The following VPS13D variants were observed in gnomAD, a reference collection of about 807,000 sequenced individuals.
The protein encoded by VPS13D is intermembrane lipid transfer protein VPS13D.
A neutral mutation model predicts 461.9 loss-of-function variants in VPS13D; 187 were observed. The observed-to-expected ratio is 0.40, with a 90% CI of 0.36 to 0.46. The LOEUF (loss-of-function observed/expected upper bound fraction) is 0.46, where lower values mean the gene tolerates loss of function less well. Among genes scored for constraint, VPS13D ranks in the 20% least tolerant of loss-of-function variants. The pLI is 0.60. For synonymous variants in VPS13D, 1,951 were observed against 1,986.3 expected, an observed-to-expected ratio of 0.98 and a Z score of 0.47; for missense variants, 4,711 against 5,364.9, an observed-to-expected ratio of 0.88 and a Z score of 3.81.
intron 64 of VPS13D, 144 bp downstream of exon 64, chr1:12,415,365 C>A: frequency 9.7e-7 from 1 of 1,031,508 alleles, no homozygotes; most frequent in Non-Finnish European, 1.4e-6. Flanking sequence ...AGGTCACTTC[C>A]CAAGAAGCCC....
intron 60 of VPS13D, among the ~76,000 whole-genome samples, chr1:12,398,168 G>A (rs1156848183): frequency 1.3e-5 from 2 of 152,200 alleles, no homozygotes; most frequent in African/African-American, 4.8e-5. Context: ...AATACTCCAA[G>A]TCTCTTGCCC....
intron 56 of VPS13D, 38 bp from the exon 57 acceptor site, chr1:12,379,450 C>A: frequency 6.3e-7 from 1 of 1,584,274 alleles, no homozygotes; most frequent in South Asian, 1.1e-5. Flanking sequence ...ACAGTTGACT[C>A]GGAGGTTTCA....
intron 67 of VPS13D, among the ~76,000 whole-genome samples, chr1:12,474,924 C>T (rs976830488): frequency 1.3e-5 from 2 of 152,136 alleles, no homozygotes; most frequent in Admixed American, 6.5e-5. Flanking sequence ...TTTAAAAACC[C>T]TATTAAAGCC....
chr1:12,409,520 A>G (rs1644696715), intron 63 of VPS13D, among the ~76,000 whole-genome samples: 1 of 152,220 alleles, frequency 6.6e-6, no homozygotes, highest in Admixed American at 6.5e-5. Flanking sequence ...CTATTAGACT[A>G]AATCACAATA....
intron 65 of VPS13D, among the ~76,000 whole-genome samples, chr1:12,428,431 A>G (rs1227465656): frequency 2.6e-5 from 4 of 152,270 alleles, no homozygotes; most frequent in Admixed American, 6.5e-5. Context: ...AGTTAGGCAC[A>G]TAAGGATGAT....
Position 12,318,099 on chromosome 1 carries a change from A to G in VPS13D, c.7176A>G (p.Thr2392=), listed in dbSNP as rs1642937348. Residue 2392 remains threonine (T), a synonymous_variant, in exon 31 of 70, where the codon ACA becomes ACG. Transcript: ENST00000620676. ...CTACCAAGGATTCCTCCTGCTTTACAGTAGTTCTCAACAATCTCCGTGTGT... is the reference window on the plus strand; with the variant it reads ...CTACCAAGGATTCCTCCTGCTTTACGGTAGTTCTCAACAATCTCCGTGTGT... The part of the protein sequence containing the change: ...FRSTKDSSCF[T]VVLNNLRVFL... The G allele has an allele frequency of 6.2e-7, 1 of 1,613,622 alleles. No homozygotes were observed. The highest frequency in any genetic ancestry group is 8.5e-7 in the Non-Finnish European group (1 of 1,179,746).
intron 55 of VPS13D, among the ~76,000 whole-genome samples, chr1:12,374,740 G>GTATT (rs1644174533): frequency 6.6e-6 from 1 of 152,066 alleles, no homozygotes; most frequent in Non-Finnish European, 1.5e-5. Context: ...ATGTATGTAT[G>GTATT]TATTTATTTA....
At chr1:12,386,104 T>G in intron 59 of VPS13D, 81 bp from the exon 60 acceptor site, 7 of 1,452,664 alleles carry the variant, frequency 4.8e-6, no homozygotes, top group Non-Finnish European at 6.4e-6. Flanking sequence ...GAATGTAAAA[T>G]GCTTTATTTT....
In VPS13D at chr1:12,299,116, C is replaced by CA. The variant is rs1445500563; in HGVS notation, c.6034-85dup. The CA allele has an allele frequency of 7.6e-7, 1 of 1,321,742 alleles. No homozygotes were observed. The highest frequency in any genetic ancestry group is 1.0e-6 in the Non-Finnish European group (1 of 972,660). 81.9% of individuals were successfully genotyped at this position (1,321,742 alleles called of 1,614,324 possible). A position where few individuals can be genotyped will look rare whatever the true frequency, so the allele number is the denominator to read the frequency against. The stretch of plus-strand genomic sequence containing the variant: ...TATGATTTTAATTGTTTTATAAACT[C>CA]ACGAAACTTTTGGGAACCTGAGGTT... On this transcript the variant is annotated intron_variant, in intron 24 of 69. Transcript: ENST00000620676. This position sits in a 1 kb window ranked among gnomAD's most constrained non-coding sequence, Gnocchi z 4.2.
intron 65 of VPS13D, among the ~76,000 whole-genome samples, chr1:12,428,939 A>T (rs1644958602): frequency 6.6e-6 from 1 of 152,188 alleles, no homozygotes; most frequent in African/African-American, 2.4e-5. Context: ...GGTCTGTGCA[A>T]ACTGCACAGT....
rs1322639352 is a variant in VPS13D, at chr1:12,356,378, C to T, written c.9872-20C>T. The T allele has an allele frequency of 6.2e-7, 1 of 1,607,072 alleles. No homozygotes were observed. The highest frequency in any genetic ancestry group is 1.7e-5 in the Admixed American group (1 of 58,638). Reference sequence around the variant, plus strand: ...ATAGACTGGGTGGTATTGATGTAAACTTTTCTCTCCTTCCTAAAGGGTTGC... The same window carrying T: ...ATAGACTGGGTGGTATTGATGTAAATTTTTCTCTCCTTCCTAAAGGGTTGC... On this transcript the variant is annotated intron_variant, in intron 48 of 69. Coordinates refer to ENST00000620676, the MANE Select transcript of VPS13D (RefSeq NM_015378.4).
intron 2 of VPS13D, among the ~76,000 whole-genome samples, chr1:12,240,595 C>CAA (rs781165302): frequency 0.012 from 495 of 40,448 alleles, 3 homozygotes; most frequent in African/African-American, 0.016. Flanking sequence ...GATTCCATCT[C>CAA]AAAAAAAAAA....
intron 67 of VPS13D, among the ~76,000 whole-genome samples, chr1:12,496,496 G>A (rs571913709): frequency 6.6e-6 from 1 of 152,324 alleles, no homozygotes; most frequent in Admixed American, 6.5e-5. Context: ...GTTAGTTCCT[G>A]TTTCTGAAGT....
intron 67 of VPS13D, among the ~76,000 whole-genome samples, chr1:12,477,257 A>AT (rs150107267): frequency 0.13 from 20,426 of 151,812 alleles, 2,234 homozygotes; most frequent in African/African-American, 0.3. Context: ...TTGGTTTTGG[A>AT]TTTTTTCTCT....
chr1:12,378,303 G>GA, intron 55 of VPS13D, 125 bp from the exon 56 acceptor site: 1 of 829,460 alleles, frequency 1.2e-6, no homozygotes, highest in South Asian at 3.9e-5. Flanking sequence ...ATATAATGTG[G>GA]AAAACGTCTA....
intron 1 of VPS13D, among the ~76,000 whole-genome samples, 189 bp from the exon 2 acceptor site, chr1:12,234,002 T>C (rs1024991118): frequency 5.3e-5 from 8 of 152,132 alleles, no homozygotes; most frequent in Non-Finnish European, 1.2e-4. Context: ...GAGCCGAGAT[T>C]GTGCCACTGC....
chr1:12,304,963 A>G (rs1642522049), intron 26 of VPS13D, among the ~76,000 whole-genome samples: 1 of 152,230 alleles, frequency 6.6e-6, no homozygotes, highest in African/African-American at 2.4e-5. Flanking sequence ...GTAATTAAAG[A>G]GATTTTTAGA....
rs558072065 is a variant in VPS13D, at chr1:12,484,086, G to T, written c.12663-13414G>T. On this transcript the variant is annotated intron_variant, in intron 67 of 69. Transcript: ENST00000620676. The stretch of plus-strand genomic sequence containing the variant: ...GGCCTATTACATGGTTTTTATTTTT[G>T]TTTCCTCCTATTTCTTAGTATTTCT... Among the ~76,000 whole-genome samples, 13 of 151,710 alleles carry T rather than the reference G, an allele frequency of 8.6e-5. No homozygotes were observed. The East Asian group carries it at 1.5e-3, about 18-fold the overall frequency.
intron 60 of VPS13D, among the ~76,000 whole-genome samples, chr1:12,392,545 TAAAAAAAAA>T (rs139602760): frequency 7.7e-6 from 1 of 129,302 alleles, no homozygotes; most frequent in South Asian, 2.5e-4. Flanking sequence ...GTATAAATGT[TAAAAAAAAA>T]AAAAAAAAAA....
Sources: allele counts gnomAD v4.1 joint callset (sites outside exome capture counted in the v4.1 genomes callset), GRCh38; gene constraint gnomAD v4.1.1; non-coding constraint Gnocchi (gnomAD v3.1); transcripts MANE v1.5; gene names NCBI Gene and HGNC (gene_info 2026-07-23, HGNC 2026-07-21).